The following RHBDL3 variants were observed in gnomAD, a reference collection of about 807,000 sequenced individuals.
RHBDL3 encodes the protein rhomboid like 3.
In RHBDL3, 28 loss-of-function variants were observed where a neutral mutation model predicts 48.2. That is an observed-to-expected ratio of 0.58 (90% CI 0.43 to 0.80). RHBDL3 has a LOEUF of 0.80. Ranked by LOEUF, RHBDL3 falls within the 30% of genes least tolerant of loss-of-function variation. The pLI is 0.00. For missense variants in RHBDL3, 464 were observed against 542.7 expected (o/e 0.85, Z 1.44); for synonymous variants, 208 against 232.3 (o/e 0.90, Z 0.95).
chr17:32,272,594 C>G (rs1047191281), intron 2 of RHBDL3, among the ~76,000 whole-genome samples: 9 of 152,160 alleles, frequency 5.9e-5, no homozygotes, highest in Admixed American at 2.0e-4. Flanking sequence ...CTCTAGGACC[C>G]TTGAGGCTGT....
chr17:32,267,992 TGCGTGGGCTTCCCTAGCTCC>T, intron 2 of RHBDL3, 67 bp downstream of exon 2: 1 of 1,254,504 alleles, frequency 8.0e-7, no homozygotes, highest in African/African-American at 1.5e-5. Context: ...TCTCCCTGCT[TGCGTGGGCTTCCCTAGCTCC>T]GCGCTCCTGA....
At chr17:32,283,985 C>T (rs991912728) in intron 2 of RHBDL3, among the ~76,000 whole-genome samples, 11 of 152,214 alleles carry the variant, frequency 7.2e-5, no homozygotes, top group African/African-American at 2.7e-4. Context: ...AAGGGAATCC[C>T]AGGCAGAGGG....
intron 2 of RHBDL3, among the ~76,000 whole-genome samples, chr17:32,274,356 G>A (rs2039845496): frequency 6.6e-6 from 1 of 152,210 alleles, no homozygotes; most frequent in Non-Finnish European, 1.5e-5. Context: ...AGAGAAACCA[G>A]TCCGTGTGTG....
intron 6 of RHBDL3, among the ~76,000 whole-genome samples, chr17:32,305,072 C>A (rs367904837): frequency 1.3e-4 from 20 of 150,844 alleles, no homozygotes; most frequent in African/African-American, 4.6e-4. Flanking sequence ...GTGAGCTGAT[C>A]GTGCCACTGC....
At chr17:32,276,161 AGTCAGGGGAAAAG>A (rs2039893469) in intron 2 of RHBDL3, among the ~76,000 whole-genome samples, 1 of 152,088 alleles carries the variant, frequency 6.6e-6, no homozygotes, top group Non-Finnish European at 1.5e-5. Flanking sequence ...TATTTTAAAG[AGTCAGGGGAAAAG>A]GTCAGGGGAA....
chr17:32,270,919 T>G (rs1245079969), intron 2 of RHBDL3, among the ~76,000 whole-genome samples: 1 of 152,234 alleles, frequency 6.6e-6, no homozygotes, highest in Non-Finnish European at 1.5e-5. Flanking sequence ...TTTATTTTTC[T>G]GACTGGGTGC....
rs897114706 is a variant in RHBDL3 at position 32,265,839 on chromosome 17, G to C, written c.-351G>C. Among the ~76,000 whole-genome samples, 1 of 147,568 alleles carries C rather than the reference G, an allele frequency of 6.8e-6. No homozygotes were observed. Among genetic ancestry groups the C allele is most frequent in the Non-Finnish European group, 1.5e-5 (1 of 66,158 alleles). On this transcript the variant is annotated 5_prime_UTR_variant, in exon 1 of 9. Transcript: ENST00000269051. ...GGAGGAGGAGACTCGGGCGCAGAGC[G>C]GGGGCCGCGAGAAGCGGGAAGGGAG...
Position 32,323,906 on chromosome 17 carries a change from G to C in RHBDL3, c.*2677G>C, listed in dbSNP as rs2041200244. On this transcript the variant is annotated 3_prime_UTR_variant, in exon 9 of 9. Transcript: ENST00000269051. Reference sequence around the variant, plus strand: ...AGGAGGCAGCTGTCTGGTCAGAGGGGTTCTCTTTGTGGCATCTGGCTTTCT... The same window carrying C: ...AGGAGGCAGCTGTCTGGTCAGAGGGCTTCTCTTTGTGGCATCTGGCTTTCT... 1 of 152,698 alleles carries C rather than the reference G, an allele frequency of 6.5e-6. No individual in the cohort carries two copies. Among genetic ancestry groups the C allele is most frequent in the Non-Finnish European group, 1.5e-5 (1 of 68,340 alleles). The allele number at this position is 152,698 out of a possible 1,614,324, so 9.5% of individuals were successfully genotyped here. A position where few individuals can be genotyped will look rare whatever the true frequency, so the allele number is the denominator to read the frequency against.
intron 1 of RHBDL3, 185 bp from the exon 2 acceptor site, chr17:32,267,717 A>T: frequency 7.7e-7 from 1 of 1,297,188 alleles, no homozygotes; most frequent in East Asian, 3.6e-5. Flanking sequence ...GTGTGGACTC[A>T]TTGGGGAGCT....
intron 2 of RHBDL3, among the ~76,000 whole-genome samples, chr17:32,278,579 T>C (rs2150699270): frequency 6.6e-6 from 1 of 152,204 alleles, no homozygotes; most frequent in East Asian, 1.9e-4. Flanking sequence ...TCTCTCAAAC[T>C]CTCTTTAGCC....
intron 7 of RHBDL3, among the ~76,000 whole-genome samples, chr17:32,315,888 G>C (rs886663266): frequency 6.6e-6 from 1 of 151,642 alleles, no homozygotes; most frequent in African/African-American, 2.4e-5. Context: ...GTTCTGTCTT[G>C]ACTTTGCTTG....
At chr17:32,297,193 C>T (rs182860605) in intron 5 of RHBDL3, among the ~76,000 whole-genome samples, 19 of 151,988 alleles carry the variant, frequency 1.3e-4, no homozygotes, top group South Asian at 1.0e-3. Flanking sequence ...CATGGCCAGG[C>T]GCAGTGGCTC....
intron 2 of RHBDL3, among the ~76,000 whole-genome samples, chr17:32,270,518 C>A (rs910292648): frequency 6.6e-6 from 1 of 151,950 alleles, no homozygotes; most frequent in Non-Finnish European, 1.5e-5. Flanking sequence ...TGGTCACCGT[C>A]GAACTAAATG....
rs1316962766 is a variant in RHBDL3 at position 32,276,776 on chromosome 17, CCT to C, written c.136-7882_136-7881del. Among the ~76,000 whole-genome samples the C allele has an allele frequency of 1.4e-3, 156 of 110,138 alleles. 6 individuals are homozygous for C. Among genetic ancestry groups the C allele is most frequent in the African/African-American group, 8.0e-3 (146 of 18,292 alleles). The allele number at this position is 110,138 out of a possible 152,430, so 72.3% of individuals were successfully genotyped here. ...CTAGCACAGTACTCCGGCCCTAGCA[CCT>C]TACTCCGGCCCTAGCACCTTACTCC... On this transcript the variant is annotated intron_variant, in intron 2 of 8. Transcript: ENST00000269051.
rs745963335 is a variant in RHBDL3 at position 32,321,447 on chromosome 17, C to T, written c.*218C>T. 31 of 1,370,844 alleles carry T rather than the reference C, an allele frequency of 2.3e-5. No individual in the cohort carries two copies. The South Asian group carries it at 2.3e-4, about 10-fold the overall frequency. The allele number at this position is 1,370,844 out of a possible 1,614,324, so 84.9% of individuals were successfully genotyped here. On this transcript the variant is annotated 3_prime_UTR_variant, in exon 9 of 9. Coordinates refer to ENST00000269051, the MANE Select transcript of RHBDL3 (RefSeq NM_138328.3). The stretch of plus-strand genomic sequence containing the variant: ...TTGATGTGGCTGCTGTCGTTTTTCT[C>T]GGCTGCTCTGATGACATCGGGCCAG...
At chr17:32,319,586 G>A (rs542327893) in intron 8 of RHBDL3, among the ~76,000 whole-genome samples, 4 of 152,250 alleles carry the variant, frequency 2.6e-5, no homozygotes, top group African/African-American at 9.6e-5. Flanking sequence ...TGCGGAGGGC[G>A]GAGGGTCAGT....
intron 2 of RHBDL3, among the ~76,000 whole-genome samples, chr17:32,282,823 C>T (rs1206006364): frequency 1.3e-5 from 2 of 152,102 alleles, no homozygotes; most frequent in East Asian, 1.9e-4. Context: ...GGGGTTTCAC[C>T]GTGTTAGCCA....
chr17:32,280,180 C>G (rs1449444599), intron 2 of RHBDL3, among the ~76,000 whole-genome samples: 2 of 152,198 alleles, frequency 1.3e-5, no homozygotes, highest in Admixed American at 6.5e-5. Flanking sequence ...CCAGGACGCT[C>G]CCAGGCTCCT....
At position 32,324,576 on chromosome 17, in the gene RHBDL3, T is replaced by C. The variant is rs1170914030; in HGVS notation, c.*3347T>C. On this transcript the variant is annotated 3_prime_UTR_variant, in exon 9 of 9. Coordinates refer to ENST00000269051, the MANE Select transcript of RHBDL3 (RefSeq NM_138328.3). ...CTGCAATGTTTGTTTCTAAGTATTT[T>C]TGTATTGTGTACATTCTGTATATTT... The C allele has an allele frequency of 6.6e-6, 1 of 152,556 alleles. No homozygotes were observed. The highest frequency in any genetic ancestry group is 1.5e-5 in the Non-Finnish European group (1 of 68,036). The allele number at this position is 152,556 out of a possible 1,614,324, so 9.5% of individuals were successfully genotyped here.
Sources: allele counts gnomAD v4.1 joint callset (sites outside exome capture counted in the v4.1 genomes callset), GRCh38; gene constraint gnomAD v4.1.1; transcripts MANE v1.5; gene names NCBI Gene and HGNC (gene_info 2026-07-23, HGNC 2026-07-21).